The following GRM7 variants were observed in gnomAD, a reference collection of about 807,000 sequenced individuals.
GRM7 encodes the protein glutamate metabotropic receptor 7, also known as metabotropic glutamate receptor 7.
A neutral mutation model predicts 84.5 loss-of-function variants in GRM7; 35 were observed. The ratio of observed to expected loss-of-function variants is 0.41; its 90% CI spans 0.32 to 0.55. The LOEUF (loss-of-function observed/expected upper bound fraction) is 0.55, where lower values mean the gene tolerates loss of function less well. Among genes scored for constraint, GRM7 ranks in the 20% least tolerant of loss-of-function variants. GRM7 has a pLI of 0.19. For synonymous variants in GRM7, 487 were observed against 455.1 expected (o/e 1.07, Z -0.89); for missense variants, 1,003 against 1,194.6 (o/e 0.84, Z 2.36).
chr3:6,906,118 C>A (rs1396828778), intron 1 of GRM7, among the ~76,000 whole-genome samples: 1 of 152,206 alleles, frequency 6.6e-6, no homozygotes, highest in Non-Finnish European at 1.5e-5. Flanking sequence ...TTTCAGTTAG[C>A]TGATGAATCA....
intron 1 of GRM7, among the ~76,000 whole-genome samples, chr3:7,018,822 C>T (rs73130510): frequency 0.048 from 7,234 of 152,252 alleles, 606 homozygotes; most frequent in African/African-American, 0.17. Flanking sequence ...GTGGGCCAGG[C>T]GCCGTGGCTC....
intron 7 of GRM7, among the ~76,000 whole-genome samples, chr3:7,552,283 G>A (rs1693513775): frequency 6.6e-6 from 1 of 152,200 alleles, no homozygotes; most frequent in Non-Finnish European, 1.5e-5. Flanking sequence ...TAGCTTTGTA[G>A]GGTACAGCCC....
intron 9 of GRM7, among the ~76,000 whole-genome samples, chr3:7,734,363 T>C (rs1197381467): frequency 6.6e-6 from 1 of 152,212 alleles, no homozygotes; most frequent in Non-Finnish European, 1.5e-5. Flanking sequence ...ATGGCAGCTT[T>C]AATATATTTG....
chr3:7,459,476 A>C (rs556788797), intron 6 of GRM7, among the ~76,000 whole-genome samples: 2 of 152,230 alleles, frequency 1.3e-5, no homozygotes, highest in Non-Finnish European at 2.9e-5. Context: ...TTTATAAAGA[A>C]AAGGGGGTTT....
At chr3:7,121,960 C>A (rs1303769830) in intron 1 of GRM7, among the ~76,000 whole-genome samples, 1 of 152,060 alleles carries the variant, frequency 6.6e-6, no homozygotes, top group Non-Finnish European at 1.5e-5. Flanking sequence ...GAGAGTTCAC[C>A]CCTCATGCTC....
At chr3:6,957,825 G>A (rs1575066878) in intron 1 of GRM7, among the ~76,000 whole-genome samples, 1 of 152,278 alleles carries the variant, frequency 6.6e-6, no homozygotes, top group Admixed American at 6.5e-5. Context: ...GGTCGACTTG[G>A]AGTTGACAAT....
chr3:7,609,523 C>T (rs751110485), intron 8 of GRM7, among the ~76,000 whole-genome samples: 1 of 152,074 alleles, frequency 6.6e-6, no homozygotes, highest in Non-Finnish European at 1.5e-5. Context: ...AGAAGATGAG[C>T]CTTTCCTCCA....
chr3:7,585,105 G>T (rs780640663), intron 8 of GRM7, among the ~76,000 whole-genome samples: 2 of 152,162 alleles, frequency 1.3e-5, no homozygotes, highest in African/African-American at 2.4e-5. Flanking sequence ...AGGAGAGAGA[G>T]GTGTCCCAGT....
chr3:7,244,770 C>G (rs548881199), intron 2 of GRM7, among the ~76,000 whole-genome samples: 1 of 151,976 alleles, frequency 6.6e-6, no homozygotes, highest in African/African-American at 2.4e-5. Context: ...AGTAGATAAT[C>G]AAAAAATATC....
chr3:7,572,025 C>A (rs1368940561), intron 7 of GRM7, among the ~76,000 whole-genome samples: 2 of 152,100 alleles, frequency 1.3e-5, no homozygotes, highest in South Asian at 4.2e-4. Flanking sequence ...GGAAAGCCCA[C>A]CCCCCATAAT....
intron 1 of GRM7, among the ~76,000 whole-genome samples, chr3:7,093,767 A>C (rs774325221): frequency 6.6e-6 from 1 of 151,000 alleles, no homozygotes; most frequent in African/African-American, 2.4e-5. Context: ...AGGAAGCAGA[A>C]AGTTCTGTTA....
At chr3:6,950,740 C>G (rs1027641908) in intron 1 of GRM7, among the ~76,000 whole-genome samples, 3 of 152,228 alleles carry the variant, frequency 2.0e-5, no homozygotes, top group Admixed American at 6.5e-5. Flanking sequence ...TTTACCTACT[C>G]AAGCCTGAGC....
chr3:7,661,251 G>T (rs996619687), intron 8 of GRM7, among the ~76,000 whole-genome samples: 3 of 152,164 alleles, frequency 2.0e-5, no homozygotes, highest in African/African-American at 7.2e-5. Flanking sequence ...TCAAATTTTA[G>T]CAAGAGGCCA....
At chr3:7,171,308 A>C (rs529595980) in intron 2 of GRM7, among the ~76,000 whole-genome samples, 1 of 152,150 alleles carries the variant, frequency 6.6e-6, no homozygotes, top group East Asian at 1.9e-4. Context: ...TTTTATAAGG[A>C]TATCATGCAT....
intron 1 of GRM7, among the ~76,000 whole-genome samples, chr3:7,031,939 T>G (rs1472211720): frequency 6.6e-6 from 1 of 152,124 alleles, no homozygotes; most frequent in Non-Finnish European, 1.5e-5. Context: ...AACACAGTCT[T>G]CTGACCTGTG....
At chr3:7,675,490 T>C (rs1700085834) in intron 8 of GRM7, among the ~76,000 whole-genome samples, 2 of 152,232 alleles carry the variant, frequency 1.3e-5, no homozygotes, top group Admixed American at 1.3e-4. Flanking sequence ...CTAAATGTTA[T>C]ATGATCTTAT....
chr3:7,262,059 C>T (rs1411786331), intron 2 of GRM7, among the ~76,000 whole-genome samples: 2 of 151,028 alleles, frequency 1.3e-5, no homozygotes, highest in South Asian at 2.1e-4. Context: ...ATGGGCTTCC[C>T]TTTGTAGATT....
rs535006267 is a variant in GRM7 at position 7,425,247 on chromosome 3, C to T, written c.1174+10084C>T. ...AGCTGTAGTGGAGAAGTGAGCTGAC[C>T]TTGTTTCTTTTCTCCTTTCTTGAAA... is the stretch of plus-strand genomic sequence containing the variant. On this transcript the variant is annotated intron_variant, in intron 5 of 9. Transcript: ENST00000357716. Among the ~76,000 whole-genome samples, 7 of 152,232 alleles carry T rather than the reference C, an allele frequency of 4.6e-5. 1 individual carries two copies. Among genetic ancestry groups the T allele is most frequent in the Admixed American group, 6.5e-5 (1 of 15,276 alleles).
chr3:7,461,839 C>A (rs1024994986), intron 7 of GRM7, 117 bp downstream of exon 7: 22 of 909,706 alleles, frequency 2.4e-5, no homozygotes, highest in Middle Eastern at 5.1e-4. Flanking sequence ...AGTGAGCATG[C>A]AATTTGTTGT....
Sources: gnomAD v4.1 joint callset for allele counts (sites outside exome capture counted in the v4.1 genomes callset) on GRCh38, gnomAD v4.1.1 for gene constraint, MANE v1.5 for transcripts, NCBI Gene and HGNC (gene_info 2026-07-23, HGNC 2026-07-21) for gene names.